The following SLC25A21 variants were observed in gnomAD, a reference collection of about 807,000 sequenced individuals.
SLC25A21 encodes the protein mitochondrial 2-oxodicarboxylate carrier.
SLC25A21 carries 47 observed loss-of-function variants against 43.8 expected under a neutral mutation model. The ratio of observed to expected loss-of-function variants is 1.07; its 90% confidence interval spans 0.85 to 1.37. SLC25A21 has a LOEUF of 1.37. Ranked by LOEUF, SLC25A21 falls within the 40% of genes most tolerant of loss-of-function variation. The probability of loss-of-function intolerance (pLI) is 0.00; values close to 1 mark genes in which losing one functional copy is unlikely to be tolerated. For missense variants in SLC25A21, 352 were observed against 350.2 expected, an observed-to-expected ratio of 1.00 and a Z score of -0.04; for synonymous variants, 131 against 121.3, an observed-to-expected ratio of 1.08 and a Z score of -0.52.
intron 1 of SLC25A21, among the ~76,000 whole-genome samples, chr14:36,916,365 C>G (rs1891832836): frequency 1.3e-5 from 2 of 152,158 alleles, no homozygotes; most frequent in South Asian, 4.1e-4. Context: ...ACCTGACTAT[C>G]AGGGAGAATA....
intron 1 of SLC25A21, among the ~76,000 whole-genome samples, chr14:36,888,658 G>GAC (rs931101894): frequency 3.3e-5 from 5 of 152,092 alleles, no homozygotes; most frequent in African/African-American, 1.2e-4. Context: ...AGAAGAAAGA[G>GAC]GAAATGTTGC....
In SLC25A21 at chr14:37,172,396, G is replaced by T; in HGVS notation, c.-46C>A. On this transcript the variant is annotated 5_prime_UTR_variant, in exon 1 of 10. Transcript: ENST00000331299. ...AGGGAGTGGGCTGAGATGCGTCAAC[G>T]AGCTCGCAGCCTGCACAGCCTACTG... The T allele has an allele frequency of 6.5e-7, 1 of 1,545,718 alleles. No homozygotes were observed. Among genetic ancestry groups the T allele is most frequent in the Admixed American group, 1.9e-5 (1 of 52,636 alleles).
At chr14:37,035,976 G>A (rs548449913) in intron 1 of SLC25A21, among the ~76,000 whole-genome samples, 5 of 152,246 alleles carry the variant, frequency 3.3e-5, no homozygotes, top group Non-Finnish European at 4.4e-5. Flanking sequence ...CCAGATGTAC[G>A]GGAAGTTTAA....
chr14:37,021,380 C>G (rs184544702), intron 1 of SLC25A21, among the ~76,000 whole-genome samples: 1 of 151,986 alleles, frequency 6.6e-6, no homozygotes, highest in Non-Finnish European at 1.5e-5. Context: ...TAAACATCCA[C>G]TTTTCTTTTT....
chr14:37,132,550 C>A (rs758672433), intron 1 of SLC25A21, among the ~76,000 whole-genome samples: 8 of 152,192 alleles, frequency 5.3e-5, no homozygotes, highest in Admixed American at 1.3e-4. Context: ...TCTGACGCCA[C>A]TGACTTCCTT....
intron 1 of SLC25A21, among the ~76,000 whole-genome samples, chr14:37,107,595 T>C (rs146142110): frequency 9.2e-5 from 14 of 152,260 alleles, no homozygotes; most frequent in African/African-American, 3.4e-4. Flanking sequence ...TACTAAGTGT[T>C]AGGCACTGTT....
intron 1 of SLC25A21, among the ~76,000 whole-genome samples, chr14:37,135,183 C>T (rs560740471): frequency 1.3e-5 from 2 of 152,284 alleles, no homozygotes; most frequent in African/African-American, 2.4e-5. Context: ...CCACCTTGGC[C>T]TCCCAAAGTG....
chr14:36,936,785 A>C (rs1042650751), intron 1 of SLC25A21, among the ~76,000 whole-genome samples: 6 of 152,164 alleles, frequency 3.9e-5, no homozygotes, highest in African/African-American at 1.4e-4. Flanking sequence ...CCAGAAGAAA[A>C]TCATGCAGTC....
At chr14:36,936,235 T>C (rs1209711555) in intron 1 of SLC25A21, among the ~76,000 whole-genome samples, 1 of 152,188 alleles carries the variant, frequency 6.6e-6, no homozygotes, top group Non-Finnish European at 1.5e-5. Flanking sequence ...TTTACTTGTG[T>C]GGCACTTCCT....
At chr14:36,937,733 A>G (rs557604063) in intron 1 of SLC25A21, among the ~76,000 whole-genome samples, 152 of 152,308 alleles carry the variant, frequency 1.0e-3, no homozygotes, top group African/African-American at 3.5e-3. Context: ...AGAATCAGCC[A>G]CACAGGGAGC....
chr14:36,757,525 A>G (rs1001099866), intron 3 of SLC25A21, among the ~76,000 whole-genome samples: 3 of 152,226 alleles, frequency 2.0e-5, no homozygotes, highest in African/African-American at 7.2e-5. Context: ...CATAAGAGGA[A>G]TCATACTAAA....
At chr14:36,774,936 TAAC>T (rs1886769473) in intron 3 of SLC25A21, among the ~76,000 whole-genome samples, 1 of 152,186 alleles carries the variant, frequency 6.6e-6, no homozygotes, top group African/African-American at 2.4e-5. Context: ...ATTTTAGAAA[TAAC>T]GACAATTTAA....
In SLC25A21 at chr14:36,678,835, T is replaced by A. The variant is rs186781523; in HGVS notation, c.*1823A>T. On this transcript the variant is annotated 3_prime_UTR_variant, in exon 10 of 10. Transcript: ENST00000331299. ...TCTAGGTCTTAACAGTGAATTCACATGGAGTAATTTTTAAAAGATATCAGA... is the reference window on the plus strand; with the variant it reads ...TCTAGGTCTTAACAGTGAATTCACAAGGAGTAATTTTTAAAAGATATCAGA... 10,837 of 981,648 alleles carry A rather than the reference T, an allele frequency of 0.011. 75 individuals are homozygous for A. The highest frequency in any genetic ancestry group is 0.012 in the Non-Finnish European group (10,134 of 819,400). 60.8% of individuals were successfully genotyped at this position (981,648 alleles called of 1,614,324 possible).
chr14:36,884,563 A>G (rs1442683950), intron 1 of SLC25A21, among the ~76,000 whole-genome samples: 1 of 152,182 alleles, frequency 6.6e-6, no homozygotes, highest in Non-Finnish European at 1.5e-5. Context: ...ACTGTGTTCC[A>G]TAATGGCTAT....
intron 3 of SLC25A21, among the ~76,000 whole-genome samples, chr14:36,753,919 CAGAGAGAG>C (rs56871881): frequency 0.036 from 4,671 of 130,080 alleles, 145 homozygotes; most frequent in African/African-American, 0.078. Context: ...TCACTGGGGA[CAGAGAGAG>C]AGAGAGAGAG....
At chr14:36,842,905 T>G (rs533584495) in intron 2 of SLC25A21, among the ~76,000 whole-genome samples, 53 of 152,184 alleles carry the variant, frequency 3.5e-4, no homozygotes, top group African/African-American at 1.3e-3. Context: ...ATTTTTCATA[T>G]GGATGGGGTG....
At chr14:36,688,274 C>T (rs1882638483) in intron 7 of SLC25A21, among the ~76,000 whole-genome samples, 1 of 152,210 alleles carries the variant, frequency 6.6e-6, no homozygotes, top group Non-Finnish European at 1.5e-5. Flanking sequence ...CCCTCTACTC[C>T]CGAGATACTG....
intron 1 of SLC25A21, among the ~76,000 whole-genome samples, chr14:36,947,449 A>G (rs1271400990): frequency 6.6e-6 from 1 of 152,210 alleles, no homozygotes; most frequent in African/African-American, 2.4e-5. Context: ...GTTTGTCTTC[A>G]GCTGGTCTGA....
chr14:36,797,478 C>T (rs1222236615), intron 3 of SLC25A21, among the ~76,000 whole-genome samples: 1 of 152,150 alleles, frequency 6.6e-6, no homozygotes, highest in Non-Finnish European at 1.5e-5. Flanking sequence ...CAAAAAAATT[C>T]AAGAGCTCTT....
Sources: allele counts gnomAD v4.1 joint callset (sites outside exome capture counted in the v4.1 genomes callset), GRCh38; gene constraint gnomAD v4.1.1; transcripts MANE v1.5; gene names NCBI Gene and HGNC (gene_info 2026-07-23, HGNC 2026-07-21).